The following GET4 variants were observed in gnomAD, a reference collection of about 807,000 sequenced individuals.
GET4 encodes guided entry of tail-anchored proteins factor 4, also known as Golgi to ER traffic protein 4 homolog.
A neutral mutation model predicts 40.0 loss-of-function variants in GET4; 20 were observed. The ratio of observed to expected loss-of-function variants is 0.50; its 90% CI spans 0.35 to 0.73. The LOEUF is 0.73. Among genes scored for constraint, GET4 ranks in the 30% least tolerant of loss-of-function variants. The pLI is 0.01. For synonymous variants in GET4, 280 were observed against 194.6 expected (o/e 1.44, Z -3.65); for missense variants, 557 against 454.0 (o/e 1.23, Z -2.06).
intron 5 of GET4, among the ~76,000 whole-genome samples, chr7:891,976 G>A (rs548060400): frequency 6.6e-6 from 1 of 152,388 alleles, no homozygotes; most frequent in Admixed American, 6.5e-5. Context: ...TGACCGGTGC[G>A]GGCGGCCTCA....
chr7:890,784 C>T, intron 4 of GET4, 144 bp from the exon 5 acceptor site: 1 of 662,322 alleles, frequency 1.5e-6, no homozygotes, highest in South Asian at 1.8e-5. Flanking sequence ...GAGTCCCTAT[C>T]AGGACCTCTG....
rs1844461381 is a variant in GET4, at chr7:895,506, T to TG, written c.*89dup. On this transcript the variant is annotated 3_prime_UTR_variant, in exon 9 of 9. Transcript: ENST00000265857. ...GCGAGTCCTGGGTGGCTCCTCGCCT[T>TG]GGGGGCTCCTGGCCCTGAGGCTGGC... The TG allele has an allele frequency of 7.6e-6, 5 of 656,994 alleles. No individual in the cohort carries two copies. The highest frequency in any genetic ancestry group is 3.8e-5 in the South Asian group (2 of 52,556). 40.7% of individuals were successfully genotyped at this position (656,994 alleles called of 1,614,324 possible). A position where few individuals can be genotyped will look rare whatever the true frequency, so the allele number is the denominator to read the frequency against.
At chr7:888,430 G>A (rs1011030550) in intron 4 of GET4, among the ~76,000 whole-genome samples, 5 of 152,252 alleles carry the variant, frequency 3.3e-5, no homozygotes, top group Admixed American at 1.3e-4. Flanking sequence ...CGCCTGGGCT[G>A]TGACAGGAGG....
chr7:886,455 G>T, intron 2 of GET4, 114 bp from the exon 3 acceptor site: 4 of 739,258 alleles, frequency 5.4e-6, no homozygotes, highest in South Asian at 4.8e-5. Flanking sequence ...GCTCAGAAGA[G>T]ACTCCTCAGC....
At chr7:891,294 C>T (rs1044915256) in intron 5 of GET4, among the ~76,000 whole-genome samples, 3 of 152,252 alleles carry the variant, frequency 2.0e-5, no homozygotes, top group African/African-American at 7.2e-5. Context: ...CACTGGAGTG[C>T]CCTACACACG....
At position 886,802 on chromosome 7, in the gene GET4, G is replaced by C; in HGVS notation, c.316+152G>C. 9.4e-6 allele frequency: 6 copies of C among 639,070 alleles called. No homozygotes were observed. The South Asian group carries it at 1.1e-4, about 11-fold the overall frequency. The allele number at this position is 639,070 out of a possible 1,614,324, so 39.6% of individuals were successfully genotyped here. A position where few individuals can be genotyped will look rare whatever the true frequency, so the allele number is the denominator to read the frequency against. Reference sequence around the variant, plus strand: ...CAGAGGCAGTTCCCACCCGGTCTCAGTGAGCCAGGCCCCCTGGCTGACCCT... The same window carrying C: ...CAGAGGCAGTTCCCACCCGGTCTCACTGAGCCAGGCCCCCTGGCTGACCCT... On this transcript the variant is annotated intron_variant, in intron 3 of 8. Coordinates refer to ENST00000265857, the MANE Select transcript of GET4 (RefSeq NM_015949.3).
chr7:887,464 CG>C lies in GET4; in HGVS notation c.414del (p.Lys139SerfsTer68). The C allele has an allele frequency of 6.3e-7, 1 of 1,590,386 alleles. No individual in the cohort carries two copies. Among genetic ancestry groups the C allele is most frequent in the Non-Finnish European group, 8.6e-7 (1 of 1,166,432 alleles). On this transcript the variant is annotated frameshift_variant, in exon 4 of 9. Transcript: ENST00000265857. LOFTEE classifies it high-confidence loss of function. ...RALKWSSGGSGKLGHPRLHQL... is the reference protein window; with the variant it reads ...RALKWSSGGSXKLGHPRLHQL... ...CCCTGAAGTGGTCCAGTGGGGGCTCCGGGAAGCTGGGCCACCCCCGGCTGCA... is the reference window on the plus strand; with the variant it reads ...CCCTGAAGTGGTCCAGTGGGGGCTCCGGAAGCTGGGCCACCCCCGGCTGCA...
chr7:879,853 G>A (rs902873422), intron 1 of GET4: 14 of 152,180 alleles, frequency 9.2e-5, no homozygotes, highest in Admixed American at 3.3e-4. Flanking sequence ...GCTCCCAAAT[G>A]GCACGGGTTG....
Position 895,551 on chromosome 7 carries a change from G to A in GET4, c.*129G>A, listed in dbSNP as rs960615969. 23 of 540,778 alleles carry A rather than the reference G, an allele frequency of 4.3e-5. No individual in the cohort carries two copies. Among genetic ancestry groups the A allele is most frequent in the African/African-American group, 9.7e-5 (5 of 51,436 alleles). The allele number at this position is 540,778 out of a possible 1,614,324, so 33.5% of individuals were successfully genotyped here. A position where few individuals can be genotyped will look rare whatever the true frequency, so the allele number is the denominator to read the frequency against. ...GCTGGCGGTGGCCGCATGCCGGCGC[G>A]TGTCTGTTTCTGTGCGGCGGCTCAG... On this transcript the variant is annotated 3_prime_UTR_variant, in exon 9 of 9. Coordinates refer to ENST00000265857, the MANE Select transcript of GET4 (RefSeq NM_015949.3).
intron 4 of GET4, among the ~76,000 whole-genome samples, chr7:888,812 T>C (rs2128628408): frequency 6.6e-6 from 1 of 152,370 alleles, no homozygotes; most frequent in East Asian, 1.9e-4. Context: ...TCCTGTGTCC[T>C]GCATAGCGAA....
At chr7:890,852 G>T in intron 4 of GET4, 76 bp from the exon 5 acceptor site, 1 of 1,187,054 alleles carries the variant, frequency 8.4e-7, no homozygotes, top group Non-Finnish European at 1.3e-6. Context: ...GAATTAACAT[G>T]GAGTGTCTTT....
chr7:878,285 A>G (rs202113242), intron 1 of GET4: 2 of 470,904 alleles, frequency 4.2e-6, no homozygotes, highest in Non-Finnish European at 8.8e-6. Context: ...CTGTTCCAGT[A>G]TTTTTGCTGT....
chr7:889,068 C>T (rs549242225), intron 4 of GET4, among the ~76,000 whole-genome samples: 7 of 152,354 alleles, frequency 4.6e-5, no homozygotes, highest in Non-Finnish European at 7.3e-5. Context: ...TGGGTACAAG[C>T]GATCATAAGG....
At chr7:880,139 C>G (rs1289322794) in intron 1 of GET4, 1 of 152,250 alleles carries the variant, frequency 6.6e-6, no homozygotes, top group Non-Finnish European at 1.5e-5. Flanking sequence ...GTTGGGAGTT[C>G]AAGACCAGCC....
Position 876,631 on chromosome 7 carries a change from C to A in GET4, c.-15C>A. 8.1e-7 allele frequency: 1 copy of A among 1,229,736 alleles called. No individual in the cohort carries two copies. The highest frequency in any genetic ancestry group is 1.0e-6 in the Non-Finnish European group (1 of 980,820). The allele number at this position is 1,229,736 out of a possible 1,614,324, so 76.2% of individuals were successfully genotyped here. On this transcript the variant is annotated 5_prime_UTR_variant, in exon 1 of 9. Transcript: ENST00000265857. ...CGCCTGCGACAGCGTCAGCCCTGCG[C>A]GGAGCGCCGGCCCGATGGCGGCGGC...
chr7:887,753 G>C (rs1454094840), intron 4 of GET4, among the ~76,000 whole-genome samples: 1 of 152,228 alleles, frequency 6.6e-6, no homozygotes, highest in African/African-American at 2.4e-5. Context: ...CCTTCCCGTG[G>C]GACGTTCTGA....
chr7:878,653 A>G (rs546837970), intron 1 of GET4, among the ~76,000 whole-genome samples: 1 of 144,458 alleles, frequency 6.9e-6, no homozygotes, highest in Non-Finnish European at 1.5e-5. Context: ...ATCTCGGCTC[A>G]CTGCAACCTC....
At chr7:895,279 T>TG (rs369315122) in intron 8 of GET4, 55 bp from the exon 9 acceptor site, 83 of 841,052 alleles carry the variant, frequency 9.9e-5, no homozygotes, top group African/African-American at 1.9e-4. Context: ...AGGAGGGGCT[T>TG]GGGGGCCTGT....
At chr7:894,080 G>C (rs1301044551) in intron 8 of GET4, 109 bp downstream of exon 8, 2 of 625,622 alleles carry the variant, frequency 3.2e-6, no homozygotes, top group Admixed American at 3.3e-5. Flanking sequence ...GTGGTTTTCT[G>C]ATCTTTTAAA....
Sources: allele counts gnomAD v4.1 joint callset (sites outside exome capture counted in the v4.1 genomes callset), GRCh38; gene constraint gnomAD v4.1.1; transcripts MANE v1.5; gene names NCBI Gene and HGNC (gene_info 2026-07-23, HGNC 2026-07-21).